The following EYS variants were observed in gnomAD, a reference collection of about 807,000 sequenced individuals.
EYS encodes protein eyes shut homolog.
EYS carries 250 observed loss-of-function variants against 282.1 expected under a neutral mutation model. The observed-to-expected ratio is 0.89, with a 90% CI of 0.80 to 0.98. The LOEUF is 0.98. Ranked by LOEUF, EYS falls within the 50% of genes least tolerant of loss-of-function variation. The probability of loss-of-function intolerance (pLI) is 0.00; values close to 1 mark genes in which losing one functional copy is unlikely to be tolerated. For missense variants in EYS, 4,016 were observed against 3,709.0 expected, an observed-to-expected ratio of 1.08 and a Z score of -2.15; for synonymous variants, 1,355 against 1,282.9, an observed-to-expected ratio of 1.06 and a Z score of -1.20.
At chr6:64,283,414 G>A (rs1006570078) in intron 30 of EYS, among the ~76,000 whole-genome samples, 1 of 152,112 alleles carries the variant, frequency 6.6e-6, no homozygotes, top group Non-Finnish European at 1.5e-5. Context: ...TTAGCTCTGT[G>A]ATGGCAAAGA....
intron 2 of EYS, among the ~76,000 whole-genome samples, chr6:65,610,417 C>T (rs190329024): frequency 4.0e-4 from 61 of 152,074 alleles, no homozygotes; most frequent in Non-Finnish European, 7.9e-4. Context: ...GAAAAGGATA[C>T]GCAGATAAAT....
At chr6:64,154,915 T>A (rs1774866809) in intron 31 of EYS, among the ~76,000 whole-genome samples, 1 of 152,090 alleles carries the variant, frequency 6.6e-6, no homozygotes, top group South Asian at 2.1e-4. Flanking sequence ...TCCAGGTGAA[T>A]TATTTTGAGT....
Position 64,902,114 on chromosome 6 carries a change from T to A in EYS, c.2845A>T (p.Arg949Ter). The A allele has an allele frequency of 1.3e-6, 2 of 1,535,736 alleles. No individual in the cohort carries two copies. Among genetic ancestry groups the A allele is most frequent in the Non-Finnish European group, 1.8e-6 (2 of 1,138,580 alleles). The change falls in exon 18 of 43, where the codon AGA (arginine) becomes TGA (stop). Residue 949 changes from arginine to a stop codon, truncating the protein, a stop_gained and splice_region_variant. Coordinates refer to ENST00000503581, the MANE Select transcript of EYS (RefSeq NM_001142800.2). LOFTEE classifies it high-confidence loss of function. ...ATTTAATAAAAAGTAGCTTCTCACC[T>A]GTTTGTCAGATCCACACATGTTCCA... The part of the protein sequence containing the change: ...NNGTCVDLTN[R>*]FFCNCEPEYH...
At chr6:64,345,834 C>T (rs1217327189) in intron 29 of EYS, among the ~76,000 whole-genome samples, 2 of 151,478 alleles carry the variant, frequency 1.3e-5, no homozygotes, top group African/African-American at 4.8e-5. Flanking sequence ...GAATCTACAA[C>T]AAACTCAAAC....
At position 64,983,010 on chromosome 6, in the gene EYS, T is replaced by C. The variant is rs912377714; in HGVS notation, c.2259+14572A>G. Reference sequence around the variant, plus strand: ...GAGAAATGGATGTCAAGCATAAATCTATTAAATAAATAGATATCATGGATT... The same window carrying C: ...GAGAAATGGATGTCAAGCATAAATCCATTAAATAAATAGATATCATGGATT... On this transcript the variant is annotated intron_variant, in intron 14 of 42. Transcript: ENST00000503581. Among the ~76,000 whole-genome samples the C allele has an allele frequency of 6.6e-5, 10 of 151,290 alleles. No homozygotes were observed. The East Asian group carries it at 1.9e-3, about 29-fold the overall frequency.
rs571980533 is a variant in EYS, at chr6:65,273,910, C to T, written c.2023+21953G>A. 1.7e-4 allele frequency among the ~76,000 whole-genome samples: 26 copies of T among 152,210 alleles called. 1 individual carries two copies. The highest frequency in any genetic ancestry group is 6.2e-4 in the South Asian group (3 of 4,824). On this transcript the variant is annotated intron_variant, in intron 12 of 42. Coordinates refer to ENST00000503581, the MANE Select transcript of EYS (RefSeq NM_001142800.2). ...TTGGTCTCTCCTGTCCTCAGTTTCC[C>T]GCAACAATCAGACCTTTTAAGGACT...
chr6:64,791,204 T>C (rs1255968904), intron 22 of EYS, among the ~76,000 whole-genome samples: 4 of 151,856 alleles, frequency 2.6e-5, no homozygotes, highest in Admixed American at 2.6e-4. Flanking sequence ...TATTGAACTT[T>C]TACAAGTTTT....
chr6:64,085,228 G>A (rs186095898), intron 31 of EYS, among the ~76,000 whole-genome samples: 72 of 151,992 alleles, frequency 4.7e-4, no homozygotes, highest in African/African-American at 1.6e-3. Flanking sequence ...CACCTGCCTA[G>A]GCCTCCCAAA....
chr6:64,376,327 C>T (rs575723438), intron 29 of EYS, among the ~76,000 whole-genome samples: 1 of 152,200 alleles, frequency 6.6e-6, no homozygotes. Context: ...GACAAGAACT[C>T]ACACTAAAGA....
chr6:65,120,459 G>GCAAAAAAAAAAAAAA (rs1775505823), intron 12 of EYS, among the ~76,000 whole-genome samples: 1 of 11,152 alleles, frequency 9.0e-5, no homozygotes, highest in Non-Finnish European at 1.9e-4. Context: ...CTTTAAATAA[G>GCAAAAAAAAAAAAAA]CAAAAAAAAA....
In EYS at chr6:65,025,765, C is replaced by T. The variant is rs558584948; in HGVS notation, c.2138-28062G>A. Among the ~76,000 whole-genome samples the T allele has an allele frequency of 2.6e-5, 4 of 152,152 alleles. No individual in the cohort carries two copies. In the South Asian group the frequency reaches 8.3e-4, roughly 32 times the overall value. On this transcript the variant is annotated intron_variant, in intron 13 of 42. Coordinates refer to ENST00000503581, the MANE Select transcript of EYS (RefSeq NM_001142800.2). The stretch of plus-strand genomic sequence containing the variant: ...CAAAACAATTTCTTGCTTCCTGAAT[C>T]TTGAATTTTAGGTAACAGAACAGAT...
At chr6:63,899,118 G>A (rs1185418081) in intron 35 of EYS, among the ~76,000 whole-genome samples, 3 of 152,186 alleles carry the variant, frequency 2.0e-5, no homozygotes, top group Non-Finnish European at 4.4e-5. Context: ...CTGGTTCTTA[G>A]AGAACAGACA....
intron 19 of EYS, among the ~76,000 whole-genome samples, chr6:64,841,839 C>T (rs563656429): frequency 3.2e-4 from 48 of 152,150 alleles, no homozygotes; most frequent in African/African-American, 1.0e-3. Flanking sequence ...GCTAATCATT[C>T]GCCAACACAT....
At chr6:65,520,146 T>C (rs900949111) in intron 2 of EYS, among the ~76,000 whole-genome samples, 5 of 152,120 alleles carry the variant, frequency 3.3e-5, no homozygotes, top group African/African-American at 1.2e-4. Flanking sequence ...AATAATTGTG[T>C]TATATAGAAA....
intron 1 of EYS, among the ~76,000 whole-genome samples, chr6:65,653,961 G>A (rs180893998): frequency 2.6e-4 from 40 of 151,902 alleles, no homozygotes; most frequent in Non-Finnish European, 5.0e-4. Context: ...ACCACAACCC[G>A]AGCTGCCATT....
At chr6:65,428,391 C>T (rs1252727391) in intron 5 of EYS, among the ~76,000 whole-genome samples, 7 of 152,108 alleles carry the variant, frequency 4.6e-5, no homozygotes, top group African/African-American at 1.7e-4. Flanking sequence ...ATAATAATTA[C>T]ATCAAACACT....
chr6:63,792,547 C>A (rs554877956), intron 37 of EYS, among the ~76,000 whole-genome samples: 2 of 152,042 alleles, frequency 1.3e-5, no homozygotes, highest in South Asian at 2.1e-4. Context: ...ATGTAACAAA[C>A]CTGCACATTG....
Position 65,626,922 on chromosome 6 carries a change from C to A in EYS, c.-333+12856G>T, listed in dbSNP as rs190086219. 4.0e-3 allele frequency among the ~76,000 whole-genome samples: 606 copies of A among 151,772 alleles called. 5 individuals are homozygous for A. Among genetic ancestry groups the A allele is most frequent in the African/African-American group, 0.012 (495 of 41,416 alleles). ...TAAAAAAAACACACACACACACACA[C>A]AAAAAACTGTCTTGTTAAAAACCAA... On this transcript the variant is annotated intron_variant, in intron 2 of 42. Transcript: ENST00000503581.
intron 23 of EYS, among the ~76,000 whole-genome samples, chr6:64,625,125 G>A (rs1180921019): frequency 3.3e-5 from 5 of 152,060 alleles, no homozygotes; most frequent in African/African-American, 9.7e-5. Flanking sequence ...TTGAACATCC[G>A]TTTTGGGTTA....
Sources: allele counts gnomAD v4.1 joint callset (sites outside exome capture counted in the v4.1 genomes callset), GRCh38; gene constraint gnomAD v4.1.1; transcripts MANE v1.5; gene names NCBI Gene and HGNC (gene_info 2026-07-23, HGNC 2026-07-21).